Variants in PEMT observed in about 807,000 individuals in gnomAD.
PEMT encodes the protein phosphatidylethanolamine N-methyltransferase.
PEMT carries 23 observed loss-of-function variants against 27.4 expected under a neutral mutation model. The ratio of observed to expected loss-of-function variants is 0.84; its 90% confidence interval spans 0.60 to 1.19. PEMT has a LOEUF of 1.19. Ranked by LOEUF, PEMT falls within the 50% of genes most tolerant of loss-of-function variation. The pLI is 0.00. For missense variants in PEMT, 307 were observed against 310.1 expected (o/e 0.99, Z 0.07); for synonymous variants, 137 against 139.1 (o/e 0.98, Z 0.11).
At chr17:17,524,867 TG>T (rs1250712632) in intron 2 of PEMT, among the ~76,000 whole-genome samples, 1 of 152,156 alleles carries the variant, frequency 6.6e-6, no homozygotes, top group Non-Finnish European at 1.5e-5. Context: ...CCCAGCACTT[TG>T]GGAGGCCGAG....
rs954535067 is a variant in PEMT at position 17,505,875 on chromosome 17, G to A, written c.654-27C>T. Reference sequence around the variant, plus strand: ...TGCCGGGCAGCGGGGAGAGGCTTCGGTCAGCAGGTCCTGGGGGTGACCCAC... The same window carrying A: ...TGCCGGGCAGCGGGGAGAGGCTTCGATCAGCAGGTCCTGGGGGTGACCCAC... On this transcript the variant is annotated intron_variant, in intron 6 of 6. Coordinates refer to ENST00000255389, the MANE Select transcript of PEMT (RefSeq NM_148172.3). The A allele has an allele frequency of 3.1e-6, 5 of 1,601,104 alleles. No homozygotes were observed. In the East Asian group the frequency reaches 1.1e-4, roughly 36 times the overall value.
At chr17:17,553,366 G>T (rs905347387) in intron 2 of PEMT, among the ~76,000 whole-genome samples, 3 of 152,170 alleles carry the variant, frequency 2.0e-5, no homozygotes, top group African/African-American at 7.2e-5. Flanking sequence ...GACTTTCCCT[G>T]TCCTCCCTGT....
At chr17:17,533,333 T>G (rs893562899) in intron 2 of PEMT, among the ~76,000 whole-genome samples, 1 of 152,086 alleles carries the variant, frequency 6.6e-6, no homozygotes, top group Non-Finnish European at 1.5e-5. Flanking sequence ...AAAAACTAAC[T>G]CGAAATGGAT....
At chr17:17,507,215 AG>A in intron 5 of PEMT, 1 of 1,473,834 alleles carries the variant, frequency 6.8e-7, no homozygotes. Context: ...GCCAGGGAGG[AG>A]GGAGGGAGGG....
At chr17:17,589,320 T>G (rs1912483078) in intron 1 of PEMT, among the ~76,000 whole-genome samples, 1 of 150,982 alleles carries the variant, frequency 6.6e-6, no homozygotes, top group Non-Finnish European at 1.5e-5. Flanking sequence ...CTGTACCTGC[T>G]GAAGCAGGCC....
intron 3 of PEMT, among the ~76,000 whole-genome samples, chr17:17,517,670 G>A (rs373655369): frequency 6.6e-6 from 1 of 152,234 alleles, no homozygotes; most frequent in Non-Finnish European, 1.5e-5. Context: ...ACTTCCCTAG[G>A]GGAGAGGGGC....
chr17:17,570,872 T>C, intron 2 of PEMT: 5 of 985,206 alleles, frequency 5.1e-6, no homozygotes, highest in Non-Finnish European at 6.0e-6. Context: ...CGGGGGCAGG[T>C]GAGAAGAGGG....
At chr17:17,526,473 G>A (rs1907677720) in intron 2 of PEMT, among the ~76,000 whole-genome samples, 1 of 152,250 alleles carries the variant, frequency 6.6e-6, no homozygotes, top group South Asian at 2.1e-4. Flanking sequence ...TGGAAGGAGG[G>A]GTAGAGCAGG....
chr17:17,571,723 T>C (rs1911214351), intron 2 of PEMT, among the ~76,000 whole-genome samples: 2 of 151,218 alleles, frequency 1.3e-5, no homozygotes, highest in African/African-American at 2.4e-5. Flanking sequence ...TTTTTTTTTT[T>C]TCTGATACAG....
At chr17:17,545,737 AT>A (rs1318617235) in intron 2 of PEMT, among the ~76,000 whole-genome samples, 1 of 152,164 alleles carries the variant, frequency 6.6e-6, no homozygotes, top group African/African-American at 2.4e-5. Context: ...GAGGTAGGAA[AT>A]GTCCTCCGTT....
chr17:17,522,335 C>T lies in PEMT; in HGVS notation c.265G>A (p.Ala89Thr), dbSNP rs770950291. The T allele has an allele frequency of 1.9e-6, 3 of 1,613,938 alleles. No homozygotes were observed. ...ATGGTGACGCTTAGAGAGTAGCAGGCCAGGTAGGGGGATCCGAAGGCCCTG... is the reference window on the plus strand; with the variant it reads ...ATGGTGACGCTTAGAGAGTAGCAGGTCAGGTAGGGGGATCCGAAGGCCCTG... ...LSRAFGSPYL[A>T]CYSLSVTILL... The change falls in exon 3 of 7, where the codon GCC becomes ACC. Residue 89 changes from alanine to threonine, a missense_variant. By Grantham distance (58) the Ala-to-Thr change is moderately conservative. Coordinates refer to ENST00000255389, the MANE Select transcript of PEMT (RefSeq NM_148172.3).
intron 2 of PEMT, among the ~76,000 whole-genome samples, chr17:17,554,582 T>C (rs1047470676): frequency 1.3e-5 from 2 of 152,096 alleles, no homozygotes; most frequent in Admixed American, 6.5e-5. Context: ...ACGGCCAGAG[T>C]GAATTCAGCA....
chr17:17,545,372 C>T (rs1026610116), intron 2 of PEMT, among the ~76,000 whole-genome samples: 1 of 152,228 alleles, frequency 6.6e-6, no homozygotes, highest in Admixed American at 6.5e-5. Flanking sequence ...TTGCATGCTC[C>T]TCACAGTGTT....
intron 2 of PEMT, among the ~76,000 whole-genome samples, chr17:17,550,933 C>T (rs117402189): frequency 2.1e-3 from 325 of 152,334 alleles, no homozygotes; most frequent in Non-Finnish European, 3.5e-3. Flanking sequence ...TTATCATCAA[C>T]GTTGTAACTA....
At chr17:17,528,151 G>A (rs990195827) in intron 2 of PEMT, among the ~76,000 whole-genome samples, 1 of 152,226 alleles carries the variant, frequency 6.6e-6, no homozygotes, top group Non-Finnish European at 1.5e-5. Context: ...GAGGACGTGG[G>A]CCGTGCGCCA....
At chr17:17,531,488 C>G (rs866472645) in intron 2 of PEMT, among the ~76,000 whole-genome samples, 5 of 151,756 alleles carry the variant, frequency 3.3e-5, no homozygotes, top group Non-Finnish European at 5.9e-5. Context: ...ATACTCAAGA[C>G]AACTCTGAAA....
At chr17:17,563,958 G>A (rs1910659125) in intron 2 of PEMT, among the ~76,000 whole-genome samples, 1 of 152,210 alleles carries the variant, frequency 6.6e-6, no homozygotes, top group Non-Finnish European at 1.5e-5. Flanking sequence ...ACAGGGCGGG[G>A]CTGTGGCCTG....
intron 2 of PEMT, among the ~76,000 whole-genome samples, chr17:17,545,465 G>A (rs1013143806): frequency 1.3e-5 from 2 of 152,110 alleles, no homozygotes; most frequent in East Asian, 1.9e-4. Flanking sequence ...TGTGGCCGCC[G>A]TCCCCACAAG....
rs143788437 is a variant in PEMT at position 17,576,446 on chromosome 17, T to G, written c.204+474A>C. Among the ~76,000 whole-genome samples the G allele has an allele frequency of 3.2e-3, 488 of 152,312 alleles. 2 individuals carry two copies. The highest frequency in any genetic ancestry group is 0.011 in the African/African-American group (464 of 41,576). ...CTAGGTCCGGAATGCGCAGGCCGTT[T>G]TGCAGGAAGCCTCATGTGGGAAAAA... On this transcript the variant is annotated intron_variant, in intron 2 of 6. Coordinates refer to ENST00000255389, the MANE Select transcript of PEMT (RefSeq NM_148172.3).
Sources: allele counts gnomAD v4.1 joint callset (sites outside exome capture counted in the v4.1 genomes callset), GRCh38; gene constraint gnomAD v4.1.1; transcripts MANE v1.5; gene names NCBI Gene and HGNC (gene_info 2026-07-23, HGNC 2026-07-21).